SLC9D1: variants seen among roughly 807,000 people sequenced by gnomAD.
SLC9D1 encodes the protein putative LAG1-interacting protein.
the SLC9D1 span, chr13:113,501,876 TTAAGG>T: frequency 1.2e-6 from 2 of 1,608,048 alleles, no homozygotes; most frequent in Non-Finnish European, 1.7e-6. Context: ...CTAAATAGTA[TTAAGG>T]TAAGAACAAA....
chr13:113,548,554 G>A, the SLC9D1 span: 4 of 1,325,858 alleles, frequency 3.0e-6, no homozygotes, highest in Non-Finnish European at 4.1e-6. Flanking sequence ...AGCGGGGCCT[G>A]GGGGCAGGGT....
the SLC9D1 span, among the ~76,000 whole-genome samples, chr13:113,502,477 T>G: frequency 1.1e-4 from 16 of 152,146 alleles, no homozygotes; most frequent in Non-Finnish European, 7.3e-5. Flanking sequence ...CCTCCAAAAG[T>G]GCTGAGATTA....
At chr13:113,515,839 C>T in the SLC9D1 span, among the ~76,000 whole-genome samples, 1,436 of 144,632 alleles carry the variant, frequency 9.9e-3, 25 homozygotes, top group African/African-American at 0.035. Flanking sequence ...TGCAGTGAGC[C>T]GAGATCGTGC....
At chr13:113,513,979 C>T in the SLC9D1 span, among the ~76,000 whole-genome samples, 1 of 152,130 alleles carries the variant, frequency 6.6e-6, no homozygotes, top group Non-Finnish European at 1.5e-5. Context: ...CCAGACGCTG[C>T]AGAGAAGCTG....
chr13:113,539,450 G>T, the SLC9D1 span: 1 of 1,613,538 alleles, frequency 6.2e-7, no homozygotes, highest in Non-Finnish European at 8.5e-7. The surrounding 1 kb of genome is among the most constrained non-coding windows in gnomAD (Gnocchi z 4.8). Context: ...CGAGGAGATC[G>T]CCACCTCCAT....
At chr13:113,542,642 C>G in the SLC9D1 span, among the ~76,000 whole-genome samples, 1 of 152,178 alleles carries the variant, frequency 6.6e-6, no homozygotes, top group African/African-American at 2.4e-5. Flanking sequence ...TCTCCCTTGT[C>G]AGGGTCTGTG....
chr13:113,503,485 G>T, the SLC9D1 span: 3 of 1,595,446 alleles, frequency 1.9e-6, no homozygotes, highest in South Asian at 3.4e-5. Context: ...TTTTTCTTTT[G>T]TGTTTTTCAG....
the SLC9D1 span, among the ~76,000 whole-genome samples, chr13:113,533,705 G>A: frequency 2.0e-5 from 3 of 152,218 alleles, no homozygotes; most frequent in African/African-American, 7.2e-5. Flanking sequence ...CCGCTGCCTG[G>A]CGGAGACTTT....
chr13:113,495,203 G>A, the SLC9D1 span, among the ~76,000 whole-genome samples: 32,330 of 152,046 alleles, frequency 0.21, 4,201 homozygotes, highest in African/African-American at 0.37. Context: ...TGCACATGGT[G>A]GAGTTGGTAG....
At chr13:113,496,687 A>G in the SLC9D1 span, among the ~76,000 whole-genome samples, 1 of 152,246 alleles carries the variant, frequency 6.6e-6, no homozygotes, top group Non-Finnish European at 1.5e-5. Flanking sequence ...AACCTGTGAT[A>G]TTATTACACA....
chr13:113,540,506 C>T, the SLC9D1 span, among the ~76,000 whole-genome samples: 1 of 152,282 alleles, frequency 6.6e-6, no homozygotes, highest in South Asian at 2.1e-4. Flanking sequence ...AGCATTGTTT[C>T]CACATACGTG....
the SLC9D1 span, among the ~76,000 whole-genome samples, chr13:113,537,967 TGTG>T: frequency 5.3e-5 from 8 of 151,680 alleles, 1 homozygote; most frequent in South Asian, 8.3e-4. Context: ...GTGTGTGCTT[TGTG>T]GTGTGTACAT....
the SLC9D1 span, among the ~76,000 whole-genome samples, chr13:113,542,440 G>A: frequency 6.6e-6 from 1 of 152,188 alleles, no homozygotes; most frequent in Non-Finnish European, 1.5e-5. Flanking sequence ...AAAGCGGCCA[G>A]ATCACCTTCA....
At chr13:113,539,203 G>A in the SLC9D1 span, among the ~76,000 whole-genome samples, 1 of 152,152 alleles carries the variant, frequency 6.6e-6, no homozygotes, top group African/African-American at 2.4e-5. The surrounding 1 kb of genome is among the most constrained non-coding windows in gnomAD (Gnocchi z 4.8). Flanking sequence ...CTCAGACCCA[G>A]CAGACGACCC....
At chr13:113,515,625 C>T in the SLC9D1 span, among the ~76,000 whole-genome samples, 15 of 152,088 alleles carry the variant, frequency 9.9e-5, no homozygotes, top group Non-Finnish European at 2.1e-4. Flanking sequence ...GGCACGGTGG[C>T]TCACGCTGGT....
chr13:113,533,362 T>G, the SLC9D1 span, among the ~76,000 whole-genome samples: 1 of 152,204 alleles, frequency 6.6e-6, no homozygotes, highest in African/African-American at 2.4e-5. Flanking sequence ...CCAGCACTTC[T>G]GCTTTAAGCC....
the SLC9D1 span, among the ~76,000 whole-genome samples, chr13:113,514,672 C>T: frequency 9.7e-5 from 14 of 144,516 alleles, no homozygotes; most frequent in South Asian, 2.2e-4. Flanking sequence ...CGCTAGTATT[C>T]GGGGTGCAGG....
the SLC9D1 span, among the ~76,000 whole-genome samples, chr13:113,496,204 G>A: frequency 2.0e-5 from 3 of 152,208 alleles, no homozygotes; most frequent in Non-Finnish European, 4.4e-5. Context: ...ACAGGAAATC[G>A]CATCTAGAAA....
At chr13:113,532,494 T>C in the SLC9D1 span, among the ~76,000 whole-genome samples, 17 of 152,134 alleles carry the variant, frequency 1.1e-4, no homozygotes, top group Non-Finnish European at 1.0e-4. Flanking sequence ...CAGGAGCTGA[T>C]TGAGGGTCCT....
Sources: allele counts gnomAD v4.1 joint callset (sites outside exome capture counted in the v4.1 genomes callset), GRCh38; gene constraint gnomAD v4.1.1; non-coding constraint Gnocchi (gnomAD v3.1); transcripts MANE v1.5; gene names NCBI Gene and HGNC (gene_info 2026-07-23, HGNC 2026-07-21).